Variants in KCNT2 observed in about 807,000 individuals in gnomAD.
KCNT2 encodes the protein potassium channel subfamily T member 2.
Under a neutral mutation model 153.8 loss-of-function variants are expected in KCNT2, and 67 were observed. That is an observed-to-expected ratio of 0.44 (90% confidence interval 0.36 to 0.53). The LOEUF (loss-of-function observed/expected upper bound fraction) is 0.53, where lower values mean the gene tolerates loss of function less well. Ranked by LOEUF, KCNT2 falls within the 20% of genes least tolerant of loss-of-function variation. The pLI is 0.00. For synonymous variants in KCNT2, 500 were observed against 458.8 expected (o/e 1.09, Z -1.15); for missense variants, 975 against 1,354.8 (o/e 0.72, Z 4.40).
intron 1 of KCNT2, among the ~76,000 whole-genome samples, chr1:196,540,259 G>A (rs1572765469): frequency 1.3e-5 from 2 of 152,144 alleles, no homozygotes; most frequent in South Asian, 4.1e-4. Flanking sequence ...TCTTAATACT[G>A]ATGCATCATC....
At chr1:196,388,109 G>A (rs889646188) in intron 13 of KCNT2, among the ~76,000 whole-genome samples, 6 of 151,628 alleles carry the variant, frequency 4.0e-5, no homozygotes, top group African/African-American at 1.2e-4. Context: ...TGTGAGGTAA[G>A]GCTCAAGATA....
At chr1:196,306,897 T>C (rs1661686787) in intron 21 of KCNT2, among the ~76,000 whole-genome samples, 1 of 152,028 alleles carries the variant, frequency 6.6e-6, no homozygotes, top group African/African-American at 2.4e-5. Flanking sequence ...TATAAGTATA[T>C]ACGTATTTTT....
At chr1:196,564,935 A>T (rs1319128945) in intron 1 of KCNT2, among the ~76,000 whole-genome samples, 1 of 151,830 alleles carries the variant, frequency 6.6e-6, no homozygotes, top group Non-Finnish European at 1.5e-5. Context: ...TTTGGATATC[A>T]CCCCTTATGC....
In KCNT2 at chr1:196,431,426, T is replaced by C. The variant is rs561869743; in HGVS notation, c.639-1669A>G. ...GTGAAGGCTCAGAAGAAGAGGAGAG[T>C]AGAGAGAGCCTAACTCTTCTTATAG... On this transcript the variant is annotated intron_variant, in intron 8 of 27. Transcript: ENST00000294725. Among the ~76,000 whole-genome samples the C allele has an allele frequency of 1.6e-4, 24 of 151,892 alleles. No individual in the cohort carries two copies. The South Asian group carries it at 4.8e-3, about 30-fold the overall frequency.
At chr1:196,530,739 C>T (rs771920498) in intron 1 of KCNT2, among the ~76,000 whole-genome samples, 21 of 151,954 alleles carry the variant, frequency 1.4e-4, no homozygotes, top group South Asian at 2.1e-4. Flanking sequence ...TAAGAAACAT[C>T]GTTTACACTT....
chr1:196,341,483 A>G (rs1665623183), intron 15 of KCNT2, among the ~76,000 whole-genome samples: 1 of 152,050 alleles, frequency 6.6e-6, no homozygotes, highest in African/African-American at 2.4e-5. Context: ...TAGTTAGTAG[A>G]CTATATACGT....
At chr1:196,288,244 A>G (rs1486154102) in intron 22 of KCNT2, among the ~76,000 whole-genome samples, 1 of 152,114 alleles carries the variant, frequency 6.6e-6, no homozygotes, top group Non-Finnish European at 1.5e-5. Flanking sequence ...CAGAAATGAG[A>G]CTAGAGCAAT....
intron 25 of KCNT2, among the ~76,000 whole-genome samples, chr1:196,270,726 AGTGT>A (rs1023107839): frequency 6.6e-6 from 1 of 151,670 alleles, no homozygotes; most frequent in Non-Finnish European, 1.5e-5. Flanking sequence ...TGTGTATATG[AGTGT>A]GTGTGTATGT....
At chr1:196,261,312 A>C (rs1014121277) in intron 25 of KCNT2, among the ~76,000 whole-genome samples, 3 of 152,056 alleles carry the variant, frequency 2.0e-5, no homozygotes, top group Middle Eastern at 3.4e-3. Context: ...TTGGTTATGT[A>C]ATCTAAGCTC....
At chr1:196,344,957 T>A (rs1257594965) in intron 14 of KCNT2, among the ~76,000 whole-genome samples, 1 of 152,118 alleles carries the variant, frequency 6.6e-6, no homozygotes, top group African/African-American at 2.4e-5. Flanking sequence ...GTATACAAAC[T>A]TTGTTATTTT....
chr1:196,450,610 A>C (rs1676074083), intron 8 of KCNT2, among the ~76,000 whole-genome samples: 1 of 151,850 alleles, frequency 6.6e-6, no homozygotes, highest in African/African-American at 2.4e-5. Flanking sequence ...TGTAATCAAA[A>C]GTGTGTCACT....
chr1:196,308,899 C>T (rs1369066658), intron 21 of KCNT2, among the ~76,000 whole-genome samples: 1 of 151,942 alleles, frequency 6.6e-6, no homozygotes, highest in East Asian at 1.9e-4. Context: ...TTATAAATTA[C>T]TTCAATTTAG....
intron 14 of KCNT2, among the ~76,000 whole-genome samples, chr1:196,362,409 T>C (rs951047132): frequency 1.3e-5 from 2 of 152,104 alleles, no homozygotes; most frequent in Non-Finnish European, 2.9e-5. Flanking sequence ...TGCCGGAGCA[T>C]GACAGACAAG....
intron 3 of KCNT2, among the ~76,000 whole-genome samples, chr1:196,488,586 C>T (rs1411713896): frequency 6.6e-6 from 1 of 152,000 alleles, no homozygotes; most frequent in African/African-American, 2.4e-5. Flanking sequence ...TCAGGTCCCA[C>T]TAGTGTACTT....
At chr1:196,284,248 A>AAAAAAAATAT in intron 23 of KCNT2, among the ~76,000 whole-genome samples, 8 of 10,048 alleles carry the variant, frequency 8.0e-4, no homozygotes, top group African/African-American at 1.1e-3. Flanking sequence ...AAAAAAAAAA[A>AAAAAAAATAT]ATATATATAT....
In KCNT2 at chr1:196,488,166, G is replaced by T. The variant is rs936927491; in HGVS notation, c.275+1672C>A. On this transcript the variant is annotated intron_variant, in intron 3 of 27. Coordinates refer to ENST00000294725, the MANE Select transcript of KCNT2 (RefSeq NM_198503.5). ...CGTATCAGTTTTGATTCCTGAAAGG[G>T]ATTTAAAAATAAAGCAAAGCAGCAC... Among the ~76,000 whole-genome samples the T allele has an allele frequency of 3.3e-4, 50 of 151,920 alleles. 2 individuals are homozygous for T. The highest frequency in any genetic ancestry group is 1.1e-3 in the African/African-American group (46 of 41,510).
intron 13 of KCNT2, among the ~76,000 whole-genome samples, chr1:196,379,896 G>T (rs1669330094): frequency 1.3e-5 from 2 of 152,062 alleles, no homozygotes; most frequent in South Asian, 4.1e-4. Flanking sequence ...AATAGAAAAT[G>T]AGTATAAAAT....
chr1:196,280,339 T>G (rs930589965), intron 25 of KCNT2, among the ~76,000 whole-genome samples: 4 of 152,218 alleles, frequency 2.6e-5, no homozygotes, highest in African/African-American at 9.6e-5. Flanking sequence ...GAGGTTTACT[T>G]TGGGAAGATC....
chr1:196,482,310 TA>T lies in KCNT2; in HGVS notation c.324+20del, dbSNP rs2148706522. On this transcript the variant is annotated intron_variant, in intron 4 of 27. Coordinates refer to ENST00000294725, the MANE Select transcript of KCNT2 (RefSeq NM_198503.5). The stretch of plus-strand genomic sequence containing the variant: ...GTGAATAAACCCAGAGATATAGGGA[TA>T]AAACAAAATTGTACATAACCTGTAA... 6.5e-7 allele frequency: 1 copy of T among 1,527,994 alleles called. No individual in the cohort carries two copies. The highest frequency in any genetic ancestry group is 8.9e-7 in the Non-Finnish European group (1 of 1,118,764). 94.7% of individuals were successfully genotyped at this position (1,527,994 alleles called of 1,614,324 possible).
Sources: allele counts gnomAD v4.1 joint callset (sites outside exome capture counted in the v4.1 genomes callset), GRCh38; gene constraint gnomAD v4.1.1; transcripts MANE v1.5; gene names NCBI Gene and HGNC (gene_info 2026-07-23, HGNC 2026-07-21).